The following SPCS2 variants were observed in gnomAD, a reference collection of about 807,000 sequenced individuals.
The protein encoded by SPCS2 is signal peptidase complex subunit 2.
Under a neutral mutation model 22.3 loss-of-function variants are expected in SPCS2, and 3 were observed. The observed-to-expected ratio is 0.13, with a 90% CI of 0.06 to 0.35. SPCS2 has a LOEUF of 0.35. Among genes scored for constraint, SPCS2 ranks in the 10% least tolerant of loss-of-function variants. The probability of loss-of-function intolerance (pLI) is 1.00; values close to 1 mark genes in which losing one functional copy is unlikely to be tolerated. For synonymous variants in SPCS2, 67 were observed against 97.2 expected (o/e 0.69, Z 1.83); for missense variants, 169 against 280.9 (o/e 0.60, Z 2.85).
chr11:74,951,795 AG>A (rs1348856935), intron 1 of SPCS2, among the ~76,000 whole-genome samples: 1 of 126,086 alleles, frequency 7.9e-6, no homozygotes, highest in African/African-American at 3.1e-5. Flanking sequence ...GGGCAACAAG[AG>A]GGAAACTCTG....
At chr11:74,967,068 A>C (rs1330278247) in intron 3 of SPCS2, among the ~76,000 whole-genome samples, 1 of 152,210 alleles carries the variant, frequency 6.6e-6, no homozygotes, top group African/African-American at 2.4e-5. Flanking sequence ...TTAAAACTTC[A>C]TGTTGGGGAT....
Position 74,976,994 on chromosome 11 carries a change from A to C in SPCS2, c.632A>C (p.Glu211Ala), listed in dbSNP as rs1408879550. ...GTLVMDAYEPEISRLHDSLAI... is the reference protein window; with the variant it reads ...GTLVMDAYEPAISRLHDSLAI... ...CTGGTCATGGATGCATATGAGCCTG[A>C]AATATCCAGGCTCCATGACAGTCTT... Residue 211 changes from glutamate to alanine, a missense_variant, in exon 5 of 5, where the codon GAA becomes GCA. Transcript: ENST00000263672. 6.3e-7 allele frequency: 1 copy of C among 1,585,762 alleles called. No individual in the cohort carries two copies. The highest frequency in any genetic ancestry group is 8.6e-7 in the Non-Finnish European group (1 of 1,159,014).
chr11:74,970,890 A>G (rs1460164418), intron 4 of SPCS2, among the ~76,000 whole-genome samples: 1 of 152,196 alleles, frequency 6.6e-6, no homozygotes, highest in Non-Finnish European at 1.5e-5. Flanking sequence ...CAGTTCACCC[A>G]TTTAAAGTGT....
chr11:74,951,644 C>G (rs1948446134), intron 1 of SPCS2, among the ~76,000 whole-genome samples: 1 of 151,842 alleles, frequency 6.6e-6, no homozygotes, highest in African/African-American at 2.4e-5. Context: ...AACCCCATCT[C>G]TACTAAAAAT....
At chr11:74,967,562 C>G (rs1480461849) in intron 3 of SPCS2, among the ~76,000 whole-genome samples, 1 of 152,122 alleles carries the variant, frequency 6.6e-6, no homozygotes, top group African/African-American at 2.4e-5. Flanking sequence ...CCAGCCTGAG[C>G]AACTTGGAGA....
At chr11:74,966,324 A>G (rs1040320949) in intron 3 of SPCS2, among the ~76,000 whole-genome samples, 1 of 152,200 alleles carries the variant, frequency 6.6e-6, no homozygotes, top group Non-Finnish European at 1.5e-5. Flanking sequence ...TCAGATCTGT[A>G]TTAAGTTTAC....
chr11:74,959,868 T>TA (rs1319707462), intron 1 of SPCS2, among the ~76,000 whole-genome samples: 5 of 152,232 alleles, frequency 3.3e-5, no homozygotes, highest in Non-Finnish European at 7.3e-5. Context: ...CCTAAGCACT[T>TA]ATGGAGTTCC....
chr11:74,967,134 G>A (rs1488790916), intron 3 of SPCS2, among the ~76,000 whole-genome samples: 2 of 152,338 alleles, frequency 1.3e-5, no homozygotes, highest in East Asian at 3.9e-4. Flanking sequence ...GTCAAAAATT[G>A]TATTATCCAG....
intron 1 of SPCS2, among the ~76,000 whole-genome samples, chr11:74,956,791 T>G (rs1948481699): frequency 6.6e-6 from 1 of 152,096 alleles, no homozygotes. Context: ...TGATCCTGCT[T>G]GTTTCTGTCA....
chr11:74,949,589 C>T (rs1191545285), intron 1 of SPCS2, 190 bp downstream of exon 1: 4 of 648,698 alleles, frequency 6.2e-6, no homozygotes, highest in South Asian at 1.5e-5. Context: ...TGGACCCGGT[C>T]CTCTTTAGAA....
At chr11:74,972,442 TCTC>T (rs1307816652) in intron 4 of SPCS2, among the ~76,000 whole-genome samples, 1 of 152,158 alleles carries the variant, frequency 6.6e-6, no homozygotes, top group East Asian at 1.9e-4. Flanking sequence ...AATATCTGTG[TCTC>T]CTCCTGGGCC....
chr11:74,954,766 A>C (rs1317934496), intron 1 of SPCS2, among the ~76,000 whole-genome samples: 10 of 152,220 alleles, frequency 6.6e-5, no homozygotes. Flanking sequence ...GGCCACTATC[A>C]AGAAAGTGAA....
At chr11:74,957,493 C>T (rs1369835359) in intron 1 of SPCS2, among the ~76,000 whole-genome samples, 1 of 152,190 alleles carries the variant, frequency 6.6e-6, no homozygotes, top group Non-Finnish European at 1.5e-5. Flanking sequence ...AAGGACTCAT[C>T]GCACATCTGT....
intron 1 of SPCS2, among the ~76,000 whole-genome samples, chr11:74,958,967 T>C (rs1948494932): frequency 1.3e-5 from 2 of 152,204 alleles, no homozygotes; most frequent in East Asian, 3.8e-4. Context: ...CTTAAAATAC[T>C]CTCCATTGCC....
rs868159035 is a variant in SPCS2, at chr11:74,951,049, A to G, written c.114+1650A>G. Among the ~76,000 whole-genome samples the G allele has an allele frequency of 5.9e-5, 9 of 152,350 alleles. No individual in the cohort carries two copies. In the South Asian group the frequency reaches 1.9e-3, roughly 32 times the overall value. Reference sequence around the variant, plus strand: ...CCTTGCACTTGGATCATCATCAGCAAACATTAAGTATGGGCATTCTGCTAA... The same window carrying G: ...CCTTGCACTTGGATCATCATCAGCAGACATTAAGTATGGGCATTCTGCTAA... On this transcript the variant is annotated intron_variant, in intron 1 of 4. Coordinates refer to ENST00000263672, the MANE Select transcript of SPCS2 (RefSeq NM_014752.3).
rs532128563 is a variant in SPCS2 at position 74,975,712 on chromosome 11, C to T, written c.495-1145C>T. ...CCAAGTTGGGAGTTACTGCCTAGACCAACAATTATTGAGGAGCTGTGACCT... is the reference window on the plus strand; with the variant it reads ...CCAAGTTGGGAGTTACTGCCTAGACTAACAATTATTGAGGAGCTGTGACCT... On this transcript the variant is annotated intron_variant, in intron 4 of 4. Coordinates refer to ENST00000263672, the MANE Select transcript of SPCS2 (RefSeq NM_014752.3). 6.8e-4 allele frequency among the ~76,000 whole-genome samples: 103 copies of T among 152,266 alleles called. 2 individuals carry two copies. The highest frequency in any genetic ancestry group is 2.2e-3 in the African/African-American group (92 of 41,542).
At chr11:74,951,076 G>A (rs1389405357) in intron 1 of SPCS2, among the ~76,000 whole-genome samples, 1 of 152,216 alleles carries the variant, frequency 6.6e-6, no homozygotes, top group Non-Finnish European at 1.5e-5. Context: ...TTCTGCTAAG[G>A]CAGTATAGAA....
chr11:74,962,131 T>C (rs559446548), intron 1 of SPCS2, among the ~76,000 whole-genome samples: 1 of 152,346 alleles, frequency 6.6e-6, no homozygotes, highest in South Asian at 2.1e-4. Flanking sequence ...ATAGCAGTTT[T>C]ACAGTGGGTG....
intron 1 of SPCS2, among the ~76,000 whole-genome samples, chr11:74,958,909 A>G (rs532544673): frequency 2.6e-5 from 4 of 152,058 alleles, no homozygotes; most frequent in Non-Finnish European, 5.9e-5. Context: ...CCAGGTTGCC[A>G]CTAAAATGAC....
Sources: gnomAD v4.1 joint callset for allele counts (sites outside exome capture counted in the v4.1 genomes callset) on GRCh38, gnomAD v4.1.1 for gene constraint, MANE v1.5 for transcripts, NCBI Gene and HGNC (gene_info 2026-07-23, HGNC 2026-07-21) for gene names.